NAPA: variants seen among roughly 807,000 people sequenced by gnomAD.
NAPA encodes the protein alpha-soluble NSF attachment protein.
A neutral mutation model predicts 48.0 loss-of-function variants in NAPA; 18 were observed. The observed-to-expected ratio is 0.38, with a 90% CI of 0.26 to 0.56. The LOEUF is 0.56. NAPA is among the 20% of genes least tolerant of loss of function. The pLI, the probability that NAPA is intolerant of heterozygous loss-of-function variation, is 0.77. For missense variants in NAPA, 315 were observed against 385.0 expected (o/e 0.82, Z 1.52); for synonymous variants, 152 against 149.9 (o/e 1.01, Z -0.10).
intron 3 of NAPA, chr19:47,497,215 T>C: frequency 5.6e-6 from 1 of 178,654 alleles, no homozygotes; most frequent in Non-Finnish European, 1.2e-5. Context: ...TGGTTCACTC[T>C]CCTGGCCGGA....
At chr19:47,491,005 G>A (rs1479167365) in intron 8 of NAPA, 149 bp from the exon 9 acceptor site, 2 of 630,308 alleles carry the variant, frequency 3.2e-6, no homozygotes, top group Non-Finnish European at 5.6e-6. Flanking sequence ...CTGGCTCTGT[G>A]TCTGTCAGTA....
In NAPA at chr19:47,493,700, G is replaced by C. The variant is rs563813237; in HGVS notation, c.343-207C>G. 2.1e-4 allele frequency: 123 copies of C among 581,648 alleles called. No individual in the cohort carries two copies. Among genetic ancestry groups the C allele is most frequent in the Non-Finnish European group, 3.7e-4 (120 of 322,746 alleles). The allele number at this position is 581,648 out of a possible 1,614,324, so 36.0% of individuals were successfully genotyped here. ...CACTAGAGGCCTGGCTATGCGTGCTGGGCTGAGCGGGTGATGTTGGACAAG... is the reference window on the plus strand; with the variant it reads ...CACTAGAGGCCTGGCTATGCGTGCTCGGCTGAGCGGGTGATGTTGGACAAG... On this transcript the variant is annotated intron_variant, in intron 4 of 10. Coordinates refer to ENST00000263354, the MANE Select transcript of NAPA (RefSeq NM_003827.4). The surrounding 1 kb of genome is among the most constrained non-coding windows in gnomAD (Gnocchi z 6.4).
rs1968691053 is a variant in NAPA at position 47,506,204 on chromosome 19, G to A, written c.99-2702C>T. Among the ~76,000 whole-genome samples the A allele has an allele frequency of 6.6e-6, 1 of 151,906 alleles. No homozygotes were observed. Among genetic ancestry groups the A allele is most frequent in the African/African-American group, 2.4e-5 (1 of 41,336 alleles). ...GTAGAGACAGGGTTTCACCACGTTG[G>A]CCAGGCTGGTCTCGAACTCCTGACC... is the stretch of plus-strand genomic sequence containing the variant. On this transcript the variant is annotated intron_variant, in intron 1 of 10. Coordinates refer to ENST00000263354, the MANE Select transcript of NAPA (RefSeq NM_003827.4). This position sits in a 1 kb window ranked among gnomAD's most constrained non-coding sequence, Gnocchi z 4.0.
intron 4 of NAPA, among the ~76,000 whole-genome samples, chr19:47,494,649 A>G (rs1159592670): frequency 6.6e-6 from 1 of 151,150 alleles, no homozygotes; most frequent in Non-Finnish European, 1.5e-5. Flanking sequence ...AGGGCACGAG[A>G]ATCGCTTGAA....
intron 7 of NAPA, chr19:47,492,460 C>T: frequency 1.7e-5 from 7 of 407,938 alleles, no homozygotes; most frequent in South Asian, 4.7e-5. Context: ...CGGCGGCAGG[C>T]GGTGGGAACA....
At position 47,515,041 on chromosome 19, in the gene NAPA, G is replaced by T; in HGVS notation, c.-101C>A. On this transcript the variant is annotated 5_prime_UTR_variant, in exon 1 of 11. Coordinates refer to ENST00000263354, the MANE Select transcript of NAPA (RefSeq NM_003827.4). ...ACAGATCGGTAAAACTCGCCCGGCT[G>T]CGTTGACGTCGCACCGGCGCGCGTC... 1.6e-6 allele frequency: 2 copies of T among 1,217,528 alleles called. No individual in the cohort carries two copies. Among genetic ancestry groups the T allele is most frequent in the East Asian group, 2.6e-5 (1 of 38,074 alleles). The allele number at this position is 1,217,528 out of a possible 1,614,324, so 75.4% of individuals were successfully genotyped here.
intron 3 of NAPA, 148 bp downstream of exon 3, chr19:47,500,485 G>A (rs778951840): frequency 6.3e-5 from 36 of 568,634 alleles, no homozygotes; most frequent in African/African-American, 2.5e-4. Flanking sequence ...TAAAGTCAAC[G>A]CTCACTCTGC....
At chr19:47,503,607 C>A (rs1455735570) in intron 1 of NAPA, 105 bp from the exon 2 acceptor site, 26 of 1,077,366 alleles carry the variant, frequency 2.4e-5, no homozygotes, top group Non-Finnish European at 2.8e-5. Flanking sequence ...TACCCCTCAC[C>A]CTTCACCTGT....
intron 9 of NAPA, among the ~76,000 whole-genome samples, chr19:47,490,165 G>GGT (rs1015984916): frequency 6.7e-6 from 1 of 148,250 alleles, no homozygotes; most frequent in African/African-American, 2.5e-5. Flanking sequence ...GTGTGTGTGG[G>GGT]GTGTGTGTGG....
intron 1 of NAPA, among the ~76,000 whole-genome samples, chr19:47,507,849 G>A (rs1012115633): frequency 3.3e-5 from 5 of 152,200 alleles, no homozygotes; most frequent in African/African-American, 1.2e-4. Context: ...AGAGGGCGGA[G>A]GGCTTGTCCA....
chr19:47,488,273 G>A lies in NAPA; in HGVS notation c.*15C>T, dbSNP rs200636147. 1 of 1,602,756 alleles carries A rather than the reference G, an allele frequency of 6.2e-7. No individual in the cohort carries two copies. Among genetic ancestry groups the A allele is most frequent in the Non-Finnish European group, 8.5e-7 (1 of 1,171,474 alleles). On this transcript the variant is annotated 3_prime_UTR_variant, in exon 11 of 11. Transcript: ENST00000263354. Reference sequence around the variant, plus strand: ...GATGGGACAGGAAGACGGGCACTGGGGGGCTGGGTGGGGCTTAGCGCAGGT... The same window carrying A: ...GATGGGACAGGAAGACGGGCACTGGAGGGCTGGGTGGGGCTTAGCGCAGGT...
chr19:47,514,472 C>T (rs1968866386), intron 1 of NAPA, among the ~76,000 whole-genome samples: 1 of 152,126 alleles, frequency 6.6e-6, no homozygotes, highest in African/African-American at 2.4e-5. Flanking sequence ...GGACTCCCTC[C>T]GTCCCCCCAG....
intron 10 of NAPA, 102 bp downstream of exon 10, chr19:47,489,609 G>C: frequency 7.5e-7 from 1 of 1,336,358 alleles, no homozygotes; most frequent in Non-Finnish European, 1.1e-6. Flanking sequence ...CTGGGGGCCA[G>C]ATGAAATGGG....
intron 3 of NAPA, among the ~76,000 whole-genome samples, chr19:47,498,300 G>A (rs966185087): frequency 2.0e-5 from 3 of 152,168 alleles, no homozygotes; most frequent in East Asian, 1.9e-4. Flanking sequence ...GGCCTCCAGC[G>A]CTGTCTCACA....
intron 1 of NAPA, among the ~76,000 whole-genome samples, chr19:47,510,735 C>T (rs974854952): frequency 6.6e-6 from 1 of 152,196 alleles, no homozygotes; most frequent in Non-Finnish European, 1.5e-5. Flanking sequence ...ACTCTGGATT[C>T]CCCAGGAGAC....
At chr19:47,492,153 A>G in intron 7 of NAPA, 34 bp from the exon 8 acceptor site, 1 of 1,584,816 alleles carries the variant, frequency 6.3e-7, no homozygotes, top group Non-Finnish European at 8.7e-7. Context: ...TGGTGAGCTC[A>G]GGGCAAGCAG....
intron 2 of NAPA, 171 bp downstream of exon 2, chr19:47,503,251 TA>T (rs1487452466): frequency 1.4e-5 from 9 of 639,194 alleles, no homozygotes; most frequent in Non-Finnish European, 2.2e-5. Flanking sequence ...ACCCAGAGTA[TA>T]AAGTAACCCA....
chr19:47,495,853 C>T, intron 3 of NAPA: 3 of 505,042 alleles, frequency 5.9e-6, no homozygotes, highest in Non-Finnish European at 1.1e-5. Context: ...GAGCCCTTCT[C>T]TCCTCGGGCT....
chr19:47,490,070 T>G (rs1191703309), intron 9 of NAPA, among the ~76,000 whole-genome samples: 1 of 147,288 alleles, frequency 6.8e-6, no homozygotes, highest in Non-Finnish European at 1.5e-5. Context: ...GGTGTGTGTG[T>G]GTGTGGTGTG....
Sources: gnomAD v4.1 joint callset for allele counts (sites outside exome capture counted in the v4.1 genomes callset) on GRCh38, gnomAD v4.1.1 for gene constraint, Gnocchi (gnomAD v3.1) non-coding constraint, MANE v1.5 for transcripts, NCBI Gene and HGNC (gene_info 2026-07-23, HGNC 2026-07-21) for gene names.